Variants in FCRL4 observed in about 807,000 individuals in gnomAD.
FCRL4 encodes the protein Fc receptor like 4, also known as Fc receptor-like protein 4.
FCRL4 carries 43 observed loss-of-function variants against 64.1 expected under a neutral mutation model. The ratio of observed to expected loss-of-function variants is 0.67; its 90% CI spans 0.53 to 0.87. The LOEUF is 0.87. Among genes scored for constraint, FCRL4 ranks in the 40% least tolerant of loss-of-function variants. The pLI is 0.00. For synonymous variants in FCRL4, 253 were observed against 239.8 expected (o/e 1.05, Z -0.51); for missense variants, 656 against 613.5 (o/e 1.07, Z -0.73).
rs1652385859 is a variant in FCRL4, at chr1:157,575,619, G to T, written c.1462-9C>A. 2 of 1,613,392 alleles carry T rather than the reference G, an allele frequency of 1.2e-6. No individual in the cohort carries two copies. The highest frequency in any genetic ancestry group is 1.7e-6 in the Non-Finnish European group (2 of 1,179,330). On this transcript the variant is annotated splice_polypyrimidine_tract_variant and intron_variant, in intron 11 of 11. Coordinates refer to ENST00000271532, the MANE Select transcript of FCRL4 (RefSeq NM_031282.3). ...TAGACAACTGAGACATCCTGAAATG[G>T]AAGAAAGAAGTGGAAACCGAGAGGG...
intron 6 of FCRL4, among the ~76,000 whole-genome samples, chr1:157,583,813 A>G (rs1179044312): frequency 6.6e-6 from 1 of 152,186 alleles, no homozygotes; most frequent in Non-Finnish European, 1.5e-5. Flanking sequence ...TTTGCTATAT[A>G]TTCTCCTATT....
At chr1:157,587,621 A>G in intron 4 of FCRL4, 61 bp from the exon 5 acceptor site, 3 of 1,539,526 alleles carry the variant, frequency 1.9e-6, no homozygotes, top group Non-Finnish European at 2.6e-6. Flanking sequence ...TGTGAGAGAC[A>G]GGTTTGGATG....
chr1:157,576,039 T>G (rs1652404659), intron 10 of FCRL4, among the ~76,000 whole-genome samples: 2 of 152,210 alleles, frequency 1.3e-5, no homozygotes, highest in South Asian at 4.1e-4. Context: ...AGTTCTTGCT[T>G]CTCTTAACTT....
intron 5 of FCRL4, among the ~76,000 whole-genome samples, chr1:157,586,756 T>C (rs1309615078): frequency 6.6e-6 from 1 of 152,172 alleles, no homozygotes; most frequent in East Asian, 1.9e-4. Flanking sequence ...GTAATAGCAA[T>C]AGCAGCCATC....
At chr1:157,587,232 G>C in intron 5 of FCRL4, 44 bp downstream of exon 5, 1 of 1,598,468 alleles carries the variant, frequency 6.3e-7, no homozygotes, top group East Asian at 2.2e-5. Context: ...AGAGCCCAAG[G>C]GGCAGAGAGA....
intron 6 of FCRL4, among the ~76,000 whole-genome samples, chr1:157,585,344 C>CTCTCTCTCTCTTTCTTTCTT (rs1386601138): frequency 1.2e-5 from 1 of 81,276 alleles, no homozygotes; most frequent in Admixed American, 1.3e-4. Flanking sequence ...CTTTCTCTCT[C>CTCTCTCTCTCTTTCTTTCTT]TCTTTCTTTC....
chr1:157,591,348 T>C (rs1248830156), intron 2 of FCRL4, among the ~76,000 whole-genome samples: 2 of 152,178 alleles, frequency 1.3e-5, no homozygotes, highest in Admixed American at 1.3e-4. Flanking sequence ...CAGGTGGCCA[T>C]ATTTTGGGGT....
chr1:157,593,101 G>C (rs1271327234), intron 2 of FCRL4, among the ~76,000 whole-genome samples: 1 of 152,132 alleles, frequency 6.6e-6, no homozygotes, highest in African/African-American at 2.4e-5. Context: ...TGGAGGGCTG[G>C]GGGACAGATA....
chr1:157,575,502 G>T lies in FCRL4; in HGVS notation c.*22C>A, dbSNP rs370897126. The T allele has an allele frequency of 5.7e-6, 9 of 1,584,908 alleles. No homozygotes were observed. Among genetic ancestry groups the T allele is most frequent in the Admixed American group, 5.0e-5 (3 of 59,630 alleles). On this transcript the variant is annotated 3_prime_UTR_variant, in exon 12 of 12. Transcript: ENST00000271532. ...AAGGGAGAAATCACATGAGTAGGAC[G>T]TTCTCGTAACTTTTCATTCTCTTAA...
chr1:157,583,947 A>G (rs936956902), intron 6 of FCRL4, among the ~76,000 whole-genome samples: 1 of 152,186 alleles, frequency 6.6e-6, no homozygotes, highest in Non-Finnish European at 1.5e-5. Context: ...TGTTTCCTTA[A>G]CAGATGTTGA....
Position 157,575,515 on chromosome 1 carries a change from T to C in FCRL4, c.*9A>G. 1 of 1,609,412 alleles carries C rather than the reference T, an allele frequency of 6.2e-7. No individual in the cohort carries two copies. The highest frequency in any genetic ancestry group is 8.5e-7 in the Non-Finnish European group (1 of 1,176,490). On this transcript the variant is annotated 3_prime_UTR_variant, in exon 12 of 12. Transcript: ENST00000271532. ...CATGAGTAGGACGTTCTCGTAACTTTTCATTCTCTTAACTTTCTTCATCCT... is the reference window on the plus strand; with the variant it reads ...CATGAGTAGGACGTTCTCGTAACTTCTCATTCTCTTAACTTTCTTCATCCT...
chr1:157,587,051 G>C (rs1245402636), intron 5 of FCRL4, among the ~76,000 whole-genome samples: 2 of 152,226 alleles, frequency 1.3e-5, no homozygotes, highest in Non-Finnish European at 1.5e-5. Flanking sequence ...CCATGAGTCA[G>C]CTGTGATTCT....
At position 157,586,105 on chromosome 1, in the gene FCRL4, C is replaced by G. The variant is rs878911744; in HGVS notation, c.1135+63G>C. The stretch of plus-strand genomic sequence containing the variant: ...AGAGTCACAGGGTAATGTTAGCTAT[C>G]CCCACCCTTAATTTGAGGAAGTTTG... On this transcript the variant is annotated intron_variant, in intron 6 of 11. Transcript: ENST00000271532. The G allele has an allele frequency of 1.0e-5, 15 of 1,491,354 alleles. No individual in the cohort carries two copies. The South Asian group carries it at 1.8e-4, about 18-fold the overall frequency. 92.4% of individuals were successfully genotyped at this position (1,491,354 alleles called of 1,614,324 possible). A position where few individuals can be genotyped will look rare whatever the true frequency, so the allele number is the denominator to read the frequency against.
Position 157,597,990 on chromosome 1 carries a change from C to T in FCRL4, c.-46G>A, listed in dbSNP as rs747611917. ...GAGAAGGAGTTCTGAGGAGACAAGCCAGGTCAGCCCAGATTGCCAAAGCAG... is the reference window on the plus strand; with the variant it reads ...GAGAAGGAGTTCTGAGGAGACAAGCTAGGTCAGCCCAGATTGCCAAAGCAG... On this transcript the variant is annotated 5_prime_UTR_variant, in exon 1 of 12. Coordinates refer to ENST00000271532, the MANE Select transcript of FCRL4 (RefSeq NM_031282.3). 1 of 1,527,624 alleles carries T rather than the reference C, an allele frequency of 6.5e-7. No homozygotes were observed. Among genetic ancestry groups the T allele is most frequent in the Non-Finnish European group, 9.1e-7 (1 of 1,104,358 alleles). The allele number at this position is 1,527,624 out of a possible 1,614,324, so 94.6% of individuals were successfully genotyped here. A position where few individuals can be genotyped will look rare whatever the true frequency, so the allele number is the denominator to read the frequency against.
Position 157,586,284 on chromosome 1 carries a change from A to G in FCRL4, c.1019T>C (p.Leu340Pro), listed in dbSNP as rs143473965. 4.3e-6 allele frequency: 7 copies of G among 1,613,904 alleles called. No homozygotes were observed. Among genetic ancestry groups the G allele is most frequent in the Middle Eastern group, 1.6e-4 (1 of 6,062 alleles). ...ESLGRKTQRS[L>P]RAELELPAIR... ...GGCAGGGAGCTCCAGCTCTGCTCTC[A>G]GGGAACGCTGAGTTTTCCTCCCCAG... The change falls in exon 6 of 12, where the codon CTG (leucine) becomes CCG (proline). Residue 340 changes from leucine (L) to proline (P), a missense_variant. Transcript: ENST00000271532.
At chr1:157,587,687 C>A (rs972709129) in intron 4 of FCRL4, 127 bp from the exon 5 acceptor site, 2 of 1,184,868 alleles carry the variant, frequency 1.7e-6, no homozygotes, top group East Asian at 4.8e-5. Context: ...AGCCCTCTAT[C>A]ACAGTTTTCT....
In FCRL4 at chr1:157,575,429, G is replaced by T. The variant is rs1652379775; in HGVS notation, c.*95C>A. ...AAGAATTAGAAAGCTGGAATGAGTTGATCATTCCAGGGGCCGCAAGGACTG... is the reference window on the plus strand; with the variant it reads ...AAGAATTAGAAAGCTGGAATGAGTTTATCATTCCAGGGGCCGCAAGGACTG... On this transcript the variant is annotated 3_prime_UTR_variant, in exon 12 of 12. Coordinates refer to ENST00000271532, the MANE Select transcript of FCRL4 (RefSeq NM_031282.3). 1.2e-6 allele frequency: 1 copy of T among 844,284 alleles called. No homozygotes were observed. Among genetic ancestry groups the T allele is most frequent in the Non-Finnish European group, 2.0e-6 (1 of 504,870 alleles). The allele number at this position is 844,284 out of a possible 1,614,324, so 52.3% of individuals were successfully genotyped here. A position where few individuals can be genotyped will look rare whatever the true frequency, so the allele number is the denominator to read the frequency against.
At chr1:157,594,484 C>T (rs1404031712) in intron 2 of FCRL4, among the ~76,000 whole-genome samples, 1 of 152,124 alleles carries the variant, frequency 6.6e-6, no homozygotes, top group Non-Finnish European at 1.5e-5. Flanking sequence ...TCATGCTTTG[C>T]CCTACAAATT....
chr1:157,575,517 C>G lies in FCRL4; in HGVS notation c.*7G>C, dbSNP rs867211538. On this transcript the variant is annotated 3_prime_UTR_variant, in exon 12 of 12. Coordinates refer to ENST00000271532, the MANE Select transcript of FCRL4 (RefSeq NM_031282.3). The stretch of plus-strand genomic sequence containing the variant: ...TGAGTAGGACGTTCTCGTAACTTTT[C>G]ATTCTCTTAACTTTCTTCATCCTTA... The G allele has an allele frequency of 6.2e-7, 1 of 1,609,836 alleles. No homozygotes were observed. Among genetic ancestry groups the G allele is most frequent in the Non-Finnish European group, 8.5e-7 (1 of 1,177,018 alleles).
Sources: gnomAD v4.1 joint callset for allele counts (sites outside exome capture counted in the v4.1 genomes callset) on GRCh38, gnomAD v4.1.1 for gene constraint, MANE v1.5 for transcripts, NCBI Gene and HGNC (gene_info 2026-07-23, HGNC 2026-07-21) for gene names.